The following GSKIP variants were observed in gnomAD, a reference collection of about 807,000 sequenced individuals.
The protein encoded by GSKIP is GSK3B-interacting protein.
Under a neutral mutation model 11.9 loss-of-function variants are expected in GSKIP, and 5 were observed. That is an observed-to-expected ratio of 0.42 (90% CI 0.22 to 0.89). The LOEUF (loss-of-function observed/expected upper bound fraction) is 0.89, where lower values mean the gene tolerates loss of function less well. Ranked by LOEUF, GSKIP falls within the 40% of genes least tolerant of loss-of-function variation. GSKIP has a pLI of 0.29. For synonymous variants in GSKIP, 70 were observed against 62.9 expected, an observed-to-expected ratio of 1.11 and a Z score of -0.54; for missense variants, 150 against 166.6, an observed-to-expected ratio of 0.90 and a Z score of 0.55.
chr14:96,371,034 A>T (rs1324002539), intron 1 of GSKIP, among the ~76,000 whole-genome samples: 1 of 152,208 alleles, frequency 6.6e-6, no homozygotes, highest in Non-Finnish European at 1.5e-5. Flanking sequence ...ACTACACATG[A>T]TTCTGAATTA....
At chr14:96,376,300 G>A (rs1162175871) in intron 1 of GSKIP, among the ~76,000 whole-genome samples, 1 of 151,694 alleles carries the variant, frequency 6.6e-6, no homozygotes, top group Non-Finnish European at 1.5e-5. Flanking sequence ...ATTTTAGCCC[G>A]ACTAGTTCCT....
intron 1 of GSKIP, among the ~76,000 whole-genome samples, chr14:96,371,345 C>T (rs1395740727): frequency 6.6e-6 from 1 of 152,036 alleles, no homozygotes; most frequent in African/African-American, 2.4e-5. Context: ...TTCCAAAAGA[C>T]TGCAATTTTT....
intron 1 of GSKIP, among the ~76,000 whole-genome samples, chr14:96,365,906 T>C (rs1226039400): frequency 6.6e-6 from 1 of 151,994 alleles, no homozygotes; most frequent in Non-Finnish European, 1.5e-5. Context: ...CAGTATGGCC[T>C]AAGTTTCTAT....
At chr14:96,373,988 A>G (rs1433094759) in intron 1 of GSKIP, among the ~76,000 whole-genome samples, 1 of 152,250 alleles carries the variant, frequency 6.6e-6, no homozygotes, top group Non-Finnish European at 1.5e-5. Flanking sequence ...GCAGAGCAGC[A>G]GAATATAACC....
At chr14:96,376,509 A>G (rs1280801654) in intron 1 of GSKIP, among the ~76,000 whole-genome samples, 1 of 152,224 alleles carries the variant, frequency 6.6e-6, no homozygotes, top group Non-Finnish European at 1.5e-5. Context: ...CTCTTAGAAC[A>G]GTAAAGAATT....
At chr14:96,382,683 C>T (rs1376249928) in intron 3 of GSKIP, among the ~76,000 whole-genome samples, 178 bp downstream of exon 3, 1 of 151,990 alleles carries the variant, frequency 6.6e-6, no homozygotes, top group Admixed American at 6.6e-5. Flanking sequence ...GGCTTTTGAT[C>T]GATATGGGGA....
intron 1 of GSKIP, among the ~76,000 whole-genome samples, chr14:96,377,564 T>G (rs1889235673): frequency 6.6e-6 from 1 of 152,232 alleles, no homozygotes; most frequent in South Asian, 2.1e-4. Flanking sequence ...TTAAATATTT[T>G]AATTGTGGTA....
rs145874796 is a variant in GSKIP, at chr14:96,379,252, C to T, written c.-102-436C>T. ...CCGGGAGGCAGAGGTTGCAGTGAGC[C>T]GAGATCATGTCACTGCACTCCAGCC... On this transcript the variant is annotated intron_variant, in intron 1 of 3. Transcript: ENST00000555181. Among the ~76,000 whole-genome samples the T allele has an allele frequency of 1.0e-3, 158 of 152,190 alleles. 4 individuals carry two copies. Among genetic ancestry groups the T allele is most frequent in the African/African-American group, 3.5e-3 (144 of 41,506 alleles).
intron 1 of GSKIP, among the ~76,000 whole-genome samples, chr14:96,374,196 A>G (rs1316492424): frequency 2.0e-5 from 3 of 152,224 alleles, no homozygotes; most frequent in African/African-American, 7.2e-5. Context: ...GATACTGAAG[A>G]AAAGACTAAC....
At chr14:96,374,920 T>G (rs1889154679) in intron 1 of GSKIP, among the ~76,000 whole-genome samples, 1 of 151,844 alleles carries the variant, frequency 6.6e-6, no homozygotes, top group Non-Finnish European at 1.5e-5. Context: ...TAATTATATA[T>G]TACATATAAA....
chr14:96,381,995 A>G (rs1305346817), intron 2 of GSKIP, among the ~76,000 whole-genome samples: 1 of 152,238 alleles, frequency 6.6e-6, no homozygotes, highest in Non-Finnish European at 1.5e-5. Context: ...CTAAATGCTT[A>G]TCAATATGGA....
intron 1 of GSKIP, among the ~76,000 whole-genome samples, chr14:96,367,504 G>C (rs1375427300): frequency 6.6e-6 from 1 of 152,194 alleles, no homozygotes; most frequent in Non-Finnish European, 1.5e-5. Context: ...GACTTTCAAA[G>C]TGAAAATTTG....
chr14:96,365,602 G>A (rs1888858804), intron 1 of GSKIP, among the ~76,000 whole-genome samples: 1 of 151,862 alleles, frequency 6.6e-6, no homozygotes, highest in South Asian at 2.1e-4. Flanking sequence ...AGGCCGAGGT[G>A]GGCGGATCAC....
chr14:96,378,379 T>C (rs562697149), intron 1 of GSKIP, among the ~76,000 whole-genome samples: 1 of 152,142 alleles, frequency 6.6e-6, no homozygotes, highest in Non-Finnish European at 1.5e-5. Context: ...AGAAGTCATT[T>C]GAATGTTTTT....
chr14:96,371,902 C>G (rs1451585890), intron 1 of GSKIP, among the ~76,000 whole-genome samples: 4 of 152,144 alleles, frequency 2.6e-5, no homozygotes, highest in Non-Finnish European at 5.9e-5. Context: ...AGACACGGTG[C>G]CTGAAATTTT....
intron 2 of GSKIP, among the ~76,000 whole-genome samples, chr14:96,380,800 T>C (rs1254314451): frequency 6.6e-6 from 1 of 152,174 alleles, no homozygotes; most frequent in Non-Finnish European, 1.5e-5. Context: ...AGTTCTAGGC[T>C]ATAGTGCACA....
intron 1 of GSKIP, among the ~76,000 whole-genome samples, chr14:96,374,554 GAC>G (rs544343668): frequency 2.7e-4 from 41 of 152,240 alleles, no homozygotes; most frequent in African/African-American, 8.9e-4. Flanking sequence ...TTATTTTAGA[GAC>G]ACAGGCTCTT....
intron 2 of GSKIP, among the ~76,000 whole-genome samples, chr14:96,381,444 C>G (rs947756221): frequency 1.1e-4 from 17 of 152,070 alleles, no homozygotes; most frequent in Admixed American, 1.1e-3. Context: ...AATTCAGATA[C>G]AACGAGAATT....
chr14:96,380,721 G>T (rs540044295), intron 2 of GSKIP, among the ~76,000 whole-genome samples: 1 of 152,336 alleles, frequency 6.6e-6, no homozygotes, highest in South Asian at 2.1e-4. Context: ...TAAGAGCCAG[G>T]TGTGGTGGCT....
Sources: allele counts gnomAD v4.1 joint callset (sites outside exome capture counted in the v4.1 genomes callset), GRCh38; gene constraint gnomAD v4.1.1; transcripts MANE v1.5; gene names NCBI Gene and HGNC (gene_info 2026-07-23, HGNC 2026-07-21).